SPARC: variants seen among roughly 807,000 people sequenced by gnomAD.
The protein encoded by SPARC is basement-membrane protein 40.
SPARC carries 23 observed loss-of-function variants against 37.7 expected under a neutral mutation model. The observed-to-expected ratio is 0.61, with a 90% CI of 0.44 to 0.87. The LOEUF is 0.87. Among genes scored for constraint, SPARC ranks in the 40% least tolerant of loss-of-function variants. The pLI, the probability that SPARC is intolerant of heterozygous loss-of-function variation, is 0.00. For synonymous variants in SPARC, 155 were observed against 150.8 expected, an observed-to-expected ratio of 1.03 and a Z score of -0.20; for missense variants, 312 against 389.0, an observed-to-expected ratio of 0.80 and a Z score of 1.66.
chr5:151,667,450 C>G lies in SPARC; in HGVS notation c.585+17G>C. Reference sequence around the variant, plus strand: ...CTTCACCAGCACGGGGCCAGCAAGGCCAGAGAGACCACTTACCCGCAGCTT... The same window carrying G: ...CTTCACCAGCACGGGGCCAGCAAGGGCAGAGAGACCACTTACCCGCAGCTT... On this transcript the variant is annotated intron_variant, in intron 7 of 9. Transcript: ENST00000231061. The G allele has an allele frequency of 6.2e-7, 1 of 1,614,026 alleles. No individual in the cohort carries two copies. Among genetic ancestry groups the G allele is most frequent in the Non-Finnish European group, 8.5e-7 (1 of 1,179,952 alleles).
chr5:151,671,014 G>T (rs936020617), intron 5 of SPARC, among the ~76,000 whole-genome samples: 2 of 152,166 alleles, frequency 1.3e-5, no homozygotes, highest in African/African-American at 4.8e-5. Context: ...TATTTACTTG[G>T]ACGGATGGAT....
At chr5:151,681,079 C>T (rs1760976953) in intron 1 of SPARC, among the ~76,000 whole-genome samples, 1 of 152,304 alleles carries the variant, frequency 6.6e-6, no homozygotes, top group East Asian at 1.9e-4. Context: ...CTCACTCTCA[C>T]TATTTGGCTT....
chr5:151,675,760 C>T (rs1384477135), intron 2 of SPARC, among the ~76,000 whole-genome samples: 1 of 152,132 alleles, frequency 6.6e-6, no homozygotes, highest in Non-Finnish European at 1.5e-5. Flanking sequence ...ACATTCCTCT[C>T]TCTATAGCTT....
chr5:151,670,485 G>A (rs991577411), intron 5 of SPARC, among the ~76,000 whole-genome samples: 1 of 152,176 alleles, frequency 6.6e-6, no homozygotes, highest in Non-Finnish European at 1.5e-5. Flanking sequence ...GACCCCTCTT[G>A]GGAGTCAGTC....
chr5:151,674,456 G>T (rs1276563493), intron 3 of SPARC, among the ~76,000 whole-genome samples, 156 bp downstream of exon 3: 2 of 152,156 alleles, frequency 1.3e-5, no homozygotes, highest in Non-Finnish European at 2.9e-5. Context: ...AGTGTGTCAG[G>T]ATGTGGGATA....
At chr5:151,683,784 G>C (rs1023663978) in intron 1 of SPARC, among the ~76,000 whole-genome samples, 6 of 152,186 alleles carry the variant, frequency 3.9e-5, no homozygotes, top group African/African-American at 7.2e-5. Context: ...CCTGGAACTT[G>C]TCTGTAAATC....
Position 151,665,087 on chromosome 5 carries a change from C to T in SPARC, c.735-852G>A, listed in dbSNP as rs1187628196. Among the ~76,000 whole-genome samples, 3 of 152,190 alleles carry T rather than the reference C, an allele frequency of 2.0e-5. No homozygotes were observed. The East Asian group carries it at 5.8e-4, about 29-fold the overall frequency. On this transcript the variant is annotated intron_variant, in intron 8 of 9. Coordinates refer to ENST00000231061, the MANE Select transcript of SPARC (RefSeq NM_003118.4). ...TGTTTGAACTGATAGGAACATTCTCCTCCCCTTCATTGTACTGGTGGAAAA... is the reference window on the plus strand; with the variant it reads ...TGTTTGAACTGATAGGAACATTCTCTTCCCCTTCATTGTACTGGTGGAAAA...
rs1561920007 is a variant in SPARC at position 151,673,134 on chromosome 5, GCCACCA to G, written c.197_202del (p.Val66_Val67del). ...GTTACAGGGAAGGGACATACTTTCC[GCCACCA>G]CCTCCTCTTCGGTTTCCTCTGCACC... On this transcript the variant is annotated inframe_deletion, in exon 4 of 10. Transcript: ENST00000231061. 1.9e-6 allele frequency: 3 copies of G among 1,612,514 alleles called. No homozygotes were observed. The highest frequency in any genetic ancestry group is 3.3e-4 in the Middle Eastern group (2 of 6,060).
rs1209191140 is a variant in SPARC at position 151,678,286 on chromosome 5, T to C, written c.-13-2085A>G. Among the ~76,000 whole-genome samples the C allele has an allele frequency of 2.6e-5, 4 of 152,176 alleles. No homozygotes were observed. The South Asian group carries it at 8.3e-4, about 32-fold the overall frequency. On this transcript the variant is annotated intron_variant, in intron 1 of 9. Transcript: ENST00000231061. Reference sequence around the variant, plus strand: ...TTTCCCTGAGTCTGCGTCCTTCATATGAGCAGAGTAACCGCGCTCCCCTCT... The same window carrying C: ...TTTCCCTGAGTCTGCGTCCTTCATACGAGCAGAGTAACCGCGCTCCCCTCT...
intron 3 of SPARC, among the ~76,000 whole-genome samples, chr5:151,674,310 G>A (rs753639324): frequency 1.3e-5 from 2 of 152,044 alleles, no homozygotes; most frequent in Non-Finnish European, 2.9e-5. Flanking sequence ...CACCGCACCC[G>A]GCCTCCTCTG....
intron 5 of SPARC, among the ~76,000 whole-genome samples, chr5:151,670,781 G>A (rs1760731738): frequency 6.6e-6 from 1 of 152,188 alleles, no homozygotes; most frequent in African/African-American, 2.4e-5. Flanking sequence ...AGGGAGAACT[G>A]ATGGGCACTG....
At chr5:151,668,936 G>T (rs1293861116) in intron 6 of SPARC, among the ~76,000 whole-genome samples, 1 of 152,144 alleles carries the variant, frequency 6.6e-6, no homozygotes, top group African/African-American at 2.4e-5. Flanking sequence ...GCCATCGGGT[G>T]CCAGAATACA....
chr5:151,680,438 G>T (rs966082752), intron 1 of SPARC, among the ~76,000 whole-genome samples: 2 of 151,632 alleles, frequency 1.3e-5, no homozygotes, highest in South Asian at 4.2e-4. Context: ...GCTTCATTAT[G>T]TTGCCCAGGC....
chr5:151,664,159 C>T lies in SPARC; in HGVS notation c.811G>A (p.Glu271Lys), dbSNP rs551241293. The part of the protein sequence containing the change: ...PMEHCTTRFF[E>K]TCDLDNDKYI... The stretch of plus-strand genomic sequence containing the variant: ...TTGTCATTGTCCAGGTCACAGGTCT[C>T]GAAAAAGCGGGTGGTGCAATGCTCC... The change falls in exon 9 of 10, where the codon GAG becomes AAG. Residue 271 changes from glutamate to lysine, a missense_variant. Coordinates refer to ENST00000231061, the MANE Select transcript of SPARC (RefSeq NM_003118.4). The T allele has an allele frequency of 1.1e-5, 18 of 1,614,122 alleles. No homozygotes were observed. The South Asian group carries it at 1.2e-4, about 11-fold the overall frequency.
chr5:151,673,995 T>TGTGTGTGTGTGC (rs1760802357), intron 3 of SPARC, among the ~76,000 whole-genome samples: 1 of 146,050 alleles, frequency 6.8e-6, no homozygotes, highest in African/African-American at 2.5e-5. Flanking sequence ...TGTGTGTGTG[T>TGTGTGTGTGTGC]GTGTGTGTGT....
At chr5:151,684,604 GAAA>G (rs746262776) in intron 1 of SPARC, among the ~76,000 whole-genome samples, 6 of 112,776 alleles carry the variant, frequency 5.3e-5, no homozygotes, top group Admixed American at 1.9e-4. Context: ...GAGCTGCCAG[GAAA>G]AAAAAAAAAA....
chr5:151,664,712 C>T (rs1174026993), intron 8 of SPARC, among the ~76,000 whole-genome samples: 4 of 152,156 alleles, frequency 2.6e-5, no homozygotes, highest in Non-Finnish European at 5.9e-5. Flanking sequence ...AAAAATGACA[C>T]ACCAATCTGG....
intron 1 of SPARC, among the ~76,000 whole-genome samples, chr5:151,685,441 C>G (rs1238384506): frequency 6.6e-6 from 1 of 151,810 alleles, no homozygotes; most frequent in Non-Finnish European, 1.5e-5. Context: ...CACACACACA[C>G]ACACACACAC....
chr5:151,674,007 T>TGTGC (rs1760803807), intron 3 of SPARC, among the ~76,000 whole-genome samples: 1 of 131,500 alleles, frequency 7.6e-6, no homozygotes, highest in Admixed American at 8.4e-5. Flanking sequence ...TGTGTGTGTG[T>TGTGC]GCTTGTTTGT....
Sources: allele counts gnomAD v4.1 joint callset (sites outside exome capture counted in the v4.1 genomes callset), GRCh38; gene constraint gnomAD v4.1.1; transcripts MANE v1.5; gene names NCBI Gene and HGNC (gene_info 2026-07-23, HGNC 2026-07-21).